The following NBEA variants were observed in gnomAD, a reference collection of about 807,000 sequenced individuals.
The protein encoded by NBEA is lysosomal-trafficking regulator 2.
NBEA carries 44 observed loss-of-function variants against 343.4 expected under a neutral mutation model. The ratio of observed to expected loss-of-function variants is 0.13; its 90% CI spans 0.10 to 0.16. The LOEUF (loss-of-function observed/expected upper bound fraction) is 0.16, where lower values mean the gene tolerates loss of function less well. Among genes scored for constraint, NBEA ranks in the 10% least tolerant of loss-of-function variants. The pLI is 1.00. For missense variants in NBEA, 2,555 were observed against 3,631.3 expected (o/e 0.70, Z 7.62); for synonymous variants, 1,175 against 1,238.7 (o/e 0.95, Z 1.08).
chr13:35,308,733 C>T (rs1014490557), intron 35 of NBEA, among the ~76,000 whole-genome samples: 11 of 147,910 alleles, frequency 7.4e-5, no homozygotes, highest in Non-Finnish European at 1.0e-4. Flanking sequence ...ATATTTAAAA[C>T]CCCAAAAATA....
chr13:35,373,004 T>C (rs2041529931), intron 38 of NBEA, among the ~76,000 whole-genome samples: 1 of 152,152 alleles, frequency 6.6e-6, no homozygotes, highest in African/African-American at 2.4e-5. Flanking sequence ...GGCAGCTTCT[T>C]GTTTTATTAT....
At chr13:35,215,364 T>C (rs2074008716) in intron 33 of NBEA, among the ~76,000 whole-genome samples, 1 of 151,692 alleles carries the variant, frequency 6.6e-6, no homozygotes, top group African/African-American at 2.4e-5. Flanking sequence ...TCTTTTTAAA[T>C]TTTTATGTTT....
intron 49 of NBEA, among the ~76,000 whole-genome samples, chr13:35,628,891 C>G (rs919048660): frequency 1.2e-4 from 18 of 152,210 alleles, no homozygotes; most frequent in African/African-American, 4.1e-4. Context: ...GCACTCCAGC[C>G]TGGGTGACAG....
chr13:35,167,718 G>A (rs1005228515), intron 24 of NBEA, among the ~76,000 whole-genome samples: 2 of 151,754 alleles, frequency 1.3e-5, no homozygotes, highest in Non-Finnish European at 2.9e-5. Context: ...GATTTTTTTA[G>A]TTGATGTTTC....
At chr13:34,945,369 T>A (rs1015080680) in intron 1 of NBEA, among the ~76,000 whole-genome samples, 1 of 152,128 alleles carries the variant, frequency 6.6e-6, no homozygotes, top group Non-Finnish European at 1.5e-5. Flanking sequence ...ATTTAGGGCT[T>A]TATTGTCCAA....
intron 45 of NBEA, among the ~76,000 whole-genome samples, chr13:35,578,238 T>A (rs1414021955): frequency 1.3e-5 from 2 of 152,208 alleles, no homozygotes; most frequent in Non-Finnish European, 2.9e-5. Flanking sequence ...AACATGATCT[T>A]CATTTGACTT....
At chr13:35,559,173 A>ACTGAATAC (rs1173664797) in intron 44 of NBEA, among the ~76,000 whole-genome samples, 1 of 152,204 alleles carries the variant, frequency 6.6e-6, no homozygotes, top group African/African-American at 2.4e-5. Flanking sequence ...TAATGCCATG[A>ACTGAATAC]CTGAATACTT....
intron 31 of NBEA, among the ~76,000 whole-genome samples, chr13:35,198,719 C>G (rs981132419): frequency 2.0e-5 from 3 of 150,510 alleles, no homozygotes; most frequent in Admixed American, 6.7e-5. Context: ...TGCAATAGCT[C>G]AAGTACTATC....
chr13:35,388,947 CTA>C (rs1457436153), intron 38 of NBEA, among the ~76,000 whole-genome samples: 1 of 116,600 alleles, frequency 8.6e-6, no homozygotes, highest in African/African-American at 3.7e-5. Context: ...AAACCCCTAC[CTA>C]TATTTCTCTA....
chr13:35,166,796 A>G (rs1021802550), intron 24 of NBEA, among the ~76,000 whole-genome samples: 1 of 152,052 alleles, frequency 6.6e-6, no homozygotes, highest in Non-Finnish European at 1.5e-5. Flanking sequence ...AAAAGTTGGG[A>G]AAGAGGAGGT....
chr13:35,068,092 A>G (rs1566234615), intron 8 of NBEA, among the ~76,000 whole-genome samples: 1 of 152,118 alleles, frequency 6.6e-6, no homozygotes, highest in Admixed American at 6.6e-5. Context: ...AAGTAAGGAA[A>G]GATAAGAAAA....
intron 33 of NBEA, among the ~76,000 whole-genome samples, chr13:35,221,700 C>T (rs903836349): frequency 1.1e-4 from 16 of 152,004 alleles, no homozygotes; most frequent in Admixed American, 3.9e-4. Flanking sequence ...AGTCTTTTTT[C>T]GATTCACCAC....
chr13:34,986,676 C>T (rs2060560115), intron 1 of NBEA, among the ~76,000 whole-genome samples: 1 of 150,764 alleles, frequency 6.6e-6, no homozygotes, highest in Non-Finnish European at 1.5e-5. Flanking sequence ...GTCTAAGTCT[C>T]TTTGTAGGTC....
chr13:35,593,287 G>A (rs758951710), intron 46 of NBEA, 41 bp from the exon 47 acceptor site: 2 of 1,608,146 alleles, frequency 1.2e-6, no homozygotes, highest in South Asian at 2.2e-5. Flanking sequence ...GGGCAGCTGT[G>A]TTTAGAGTGG....
intron 1 of NBEA, among the ~76,000 whole-genome samples, chr13:35,018,609 A>C (rs527568065): frequency 6.6e-6 from 1 of 152,272 alleles, no homozygotes; most frequent in East Asian, 1.9e-4. Context: ...GAATTTGGTA[A>C]AATTCTTTAT....
chr13:35,326,295 G>A (rs756782211), intron 36 of NBEA, among the ~76,000 whole-genome samples: 10 of 151,966 alleles, frequency 6.6e-5, no homozygotes, highest in Non-Finnish European at 1.5e-5. Flanking sequence ...ATTTGTTTGT[G>A]TCATCTATGA....
intron 34 of NBEA, among the ~76,000 whole-genome samples, chr13:35,289,362 A>G (rs953178279): frequency 6.6e-6 from 1 of 151,918 alleles, no homozygotes; most frequent in African/African-American, 2.4e-5. Context: ...TCTATTTATT[A>G]AATTAATTTT....
intron 30 of NBEA, among the ~76,000 whole-genome samples, chr13:35,193,949 A>G (rs954415554): frequency 6.6e-6 from 1 of 151,986 alleles, no homozygotes; most frequent in Admixed American, 6.6e-5. Flanking sequence ...GGAATATTGA[A>G]TAATATGAGG....
intron 41 of NBEA, among the ~76,000 whole-genome samples, chr13:35,512,870 C>G (rs932110457): frequency 6.6e-6 from 1 of 152,132 alleles, no homozygotes; most frequent in African/African-American, 2.4e-5. Context: ...GTGGCTGAGC[C>G]CATTTCTCTC....
Sources: allele counts gnomAD v4.1 joint callset (sites outside exome capture counted in the v4.1 genomes callset), GRCh38; gene constraint gnomAD v4.1.1; transcripts MANE v1.5; gene names NCBI Gene and HGNC (gene_info 2026-07-23, HGNC 2026-07-21).